The following RIMS2 variants were observed in gnomAD, a reference collection of about 807,000 sequenced individuals.
RIMS2 encodes regulating synaptic membrane exocytosis 2.
A neutral mutation model predicts 174.4 loss-of-function variants in RIMS2; 59 were observed. That is an observed-to-expected ratio of 0.34 (90% CI 0.27 to 0.42). The LOEUF is 0.42. Among genes scored for constraint, RIMS2 ranks in the 10% least tolerant of loss-of-function variants. The probability of loss-of-function intolerance (pLI) is 1.00; values close to 1 mark genes in which losing one functional copy is unlikely to be tolerated. For synonymous variants in RIMS2, 606 were observed against 572.5 expected, an observed-to-expected ratio of 1.06 and a Z score of -0.84; for missense variants, 1,620 against 1,666.3, an observed-to-expected ratio of 0.97 and a Z score of 0.48.
At chr8:103,627,042 A>C (rs1005769914) in intron 1 of RIMS2, among the ~76,000 whole-genome samples, 1 of 152,148 alleles carries the variant, frequency 6.6e-6, no homozygotes, top group Non-Finnish European at 1.5e-5. Flanking sequence ...CAATCCTACT[A>C]AGCCTGAGGG....
At chr8:103,727,592 T>A (rs939385501) in intron 2 of RIMS2, among the ~76,000 whole-genome samples, 1 of 152,192 alleles carries the variant, frequency 6.6e-6, no homozygotes, top group African/African-American at 2.4e-5. Context: ...AGTTTCATAG[T>A]TTCAGGTGCT....
At chr8:104,190,640 T>C (rs960166393) in intron 19 of RIMS2, among the ~76,000 whole-genome samples, 5 of 152,192 alleles carry the variant, frequency 3.3e-5, no homozygotes, top group South Asian at 2.1e-4. Flanking sequence ...GAAAAGTGAG[T>C]GAGGCTCTGG....
intron 19 of RIMS2, among the ~76,000 whole-genome samples, chr8:104,237,558 G>A (rs905820475): frequency 1.3e-5 from 2 of 152,066 alleles, no homozygotes; most frequent in African/African-American, 2.4e-5. Context: ...GAATATACAT[G>A]AATAGACCTA....
intron 5 of RIMS2, among the ~76,000 whole-genome samples, chr8:103,911,117 A>G (rs1381919235): frequency 6.6e-6 from 1 of 152,070 alleles, no homozygotes; most frequent in African/African-American, 2.4e-5. Flanking sequence ...GGGACTTTTG[A>G]TATCTTTTTA....
intron 3 of RIMS2, among the ~76,000 whole-genome samples, chr8:103,792,819 C>G (rs2098512911): frequency 6.6e-6 from 1 of 152,062 alleles, no homozygotes; most frequent in Admixed American, 6.5e-5. Context: ...TGCAAATAAA[C>G]TAGAAAATCC....
rs900967750 is a variant in RIMS2 at position 103,995,408 on chromosome 8, G to C, written c.3044+5987G>C. 2.0e-5 allele frequency among the ~76,000 whole-genome samples: 3 copies of C among 152,174 alleles called. No homozygotes were observed. In the East Asian group the frequency reaches 5.8e-4, roughly 29 times the overall value. On this transcript the variant is annotated intron_variant, in intron 17 of 23. Coordinates refer to ENST00000504942, the Ensembl canonical transcript of RIMS2. ...TACTTGATTGGGTGAACTGGAAAAG[G>C]CATCACAGAGAAGTTGGGCTTTAAA...
At chr8:103,736,758 G>A (rs7844638) in intron 2 of RIMS2, among the ~76,000 whole-genome samples, 34,973 of 151,986 alleles carry the variant, frequency 0.23, 4,313 homozygotes, top group Non-Finnish European at 0.25. Flanking sequence ...TAATATAATG[G>A]CCTATAATTG....
At chr8:103,572,797 G>T (rs2092929945) in intron 1 of RIMS2, among the ~76,000 whole-genome samples, 2 of 151,876 alleles carry the variant, frequency 1.3e-5, no homozygotes, top group Admixed American at 6.6e-5. Flanking sequence ...TATAGATTTT[G>T]GATATTAGTA....
intron 1 of RIMS2, 116 bp downstream of exon 3, chr8:103,652,826 G>C: frequency 1.9e-6 from 1 of 530,912 alleles, no homozygotes; most frequent in Non-Finnish European, 3.1e-6. Context: ...AAAATTGTTC[G>C]GTTAGGGTTT....
At chr8:104,214,060 T>C (rs1436442139) in intron 19 of RIMS2, among the ~76,000 whole-genome samples, 3 of 152,174 alleles carry the variant, frequency 2.0e-5, no homozygotes, top group African/African-American at 7.2e-5. Flanking sequence ...AGATTGGGGT[T>C]TGAAATGTTA....
intron 19 of RIMS2, among the ~76,000 whole-genome samples, chr8:104,207,456 C>A (rs912033396): frequency 3.9e-5 from 6 of 152,124 alleles, no homozygotes; most frequent in Non-Finnish European, 8.8e-5. Flanking sequence ...TCTTTTCAAC[C>A]AGGGAACATA....
intron 3 of RIMS2, among the ~76,000 whole-genome samples, chr8:103,798,380 T>A (rs567556814): frequency 7.9e-5 from 12 of 152,174 alleles, no homozygotes; most frequent in African/African-American, 2.9e-4. Flanking sequence ...CAACTAAATT[T>A]TAATAAAGGA....
At chr8:103,920,411 C>CA (rs934950423) in intron 9 of RIMS2, among the ~76,000 whole-genome samples, 186 of 151,780 alleles carry the variant, frequency 1.2e-3, no homozygotes, top group African/African-American at 3.9e-3. Context: ...ACAACAACAA[C>CA]AAAAAAAACC....
At chr8:103,744,572 T>C (rs1006948146) in intron 2 of RIMS2, among the ~76,000 whole-genome samples, 3 of 152,250 alleles carry the variant, frequency 2.0e-5, no homozygotes, top group East Asian at 1.9e-4. Context: ...ACAATTGTTA[T>C]ATGTACCCTA....
At chr8:103,601,349 C>G (rs940869012) in intron 1 of RIMS2, among the ~76,000 whole-genome samples, 2 of 152,038 alleles carry the variant, frequency 1.3e-5, no homozygotes, top group Admixed American at 1.3e-4. Context: ...TCTGGGTGTT[C>G]CAGTGTTGGT....
intron 1 of RIMS2, among the ~76,000 whole-genome samples, chr8:103,596,363 C>G (rs1238210579): frequency 6.6e-6 from 1 of 152,012 alleles, no homozygotes; most frequent in African/African-American, 2.4e-5. Flanking sequence ...TACTCAAATA[C>G]TTTATAAACC....
intron 1 of RIMS2, among the ~76,000 whole-genome samples, chr8:103,667,718 G>T (rs1277554659): frequency 6.6e-6 from 1 of 152,208 alleles, no homozygotes; most frequent in Non-Finnish European, 1.5e-5. Flanking sequence ...AGAGTTTCAT[G>T]ATAGCAGAGA....
intron 17 of RIMS2, among the ~76,000 whole-genome samples, chr8:104,011,652 A>G (rs545752428): frequency 6.6e-6 from 1 of 152,064 alleles, no homozygotes; most frequent in Non-Finnish European, 1.5e-5. Context: ...ACTTGGAAAA[A>G]TTTCTTGATG....
intron 19 of RIMS2, among the ~76,000 whole-genome samples, chr8:104,128,984 A>G (rs1034322057): frequency 6.6e-6 from 1 of 152,356 alleles, no homozygotes; most frequent in East Asian, 1.9e-4. Context: ...AGATGTAAAA[A>G]TAATTTCTTC....
Sources: gnomAD v4.1 joint callset for allele counts (sites outside exome capture counted in the v4.1 genomes callset) on GRCh38, gnomAD v4.1.1 for gene constraint, MANE v1.5 for transcripts, NCBI Gene and HGNC (gene_info 2026-07-23, HGNC 2026-07-21) for gene names.